Variants in UGT2B15 observed in about 807,000 individuals in gnomAD.
UGT2B15 encodes the protein UDP-glucuronosyltransferase 2B15.
In UGT2B15, 36 loss-of-function variants were observed where a neutral mutation model predicts 45.9. That is an observed-to-expected ratio of 0.78 (90% CI 0.60 to 1.04). UGT2B15 has a LOEUF of 1.04. Ranked by LOEUF, UGT2B15 falls within the 50% of genes least tolerant of loss-of-function variation. UGT2B15 has a pLI of 0.00. For synonymous variants in UGT2B15, 219 were observed against 216.4 expected (o/e 1.01, Z -0.11); for missense variants, 617 against 622.4 (o/e 0.99, Z 0.09).
chr4:68,667,503 A>T (rs989075), intron 2 of UGT2B15, among the ~76,000 whole-genome samples: 78,797 of 151,116 alleles, frequency 0.52, 20,843 homozygotes, highest in Admixed American at 0.58. Flanking sequence ...GTGTTTATCA[A>T]CCCCTCATCG....
At position 68,670,139 on chromosome 4, in the gene UGT2B15, T is replaced by C. The variant is rs1395707077; in HGVS notation, c.480A>G (p.Leu160=). The change falls in exon 1 of 6, where the codon CTA becomes CTG. Residue 160 remains leucine (L), a synonymous_variant. Coordinates refer to ENST00000338206, the MANE Select transcript of UGT2B15 (RefSeq NM_001076.4). ...AGGGTATGTTAAATAGTTCAGCCAGTAGCTCACCACAGGGATTAAGGGCAT... is the reference window on the plus strand; with the variant it reads ...AGGGTATGTTAAATAGTTCAGCCAGCAGCTCACCACAGGGATTAAGGGCAT... The part of the protein sequence containing the change: ...LADALNPCGE[L]LAELFNIPFL... 6.2e-7 allele frequency: 1 copy of C among 1,613,972 alleles called. No homozygotes were observed. The highest frequency in any genetic ancestry group is 1.3e-5 in the African/African-American group (1 of 74,918).
At chr4:68,652,922 A>T (rs1223973508) in intron 5 of UGT2B15, among the ~76,000 whole-genome samples, 3 of 152,164 alleles carry the variant, frequency 2.0e-5, no homozygotes, top group Non-Finnish European at 4.4e-5. Flanking sequence ...GAGGGTTAAC[A>T]TCTTCAGCCA....
At chr4:68,651,211 C>T (rs1732645267) in intron 5 of UGT2B15, among the ~76,000 whole-genome samples, 1 of 151,978 alleles carries the variant, frequency 6.6e-6, no homozygotes, top group African/African-American at 2.4e-5. Flanking sequence ...GTGTTTGTGT[C>T]ATGAAATTTT....
At chr4:68,669,191 T>G (rs1211553898) in intron 1 of UGT2B15, among the ~76,000 whole-genome samples, 1 of 152,130 alleles carries the variant, frequency 6.6e-6, no homozygotes, top group African/African-American at 2.4e-5. Flanking sequence ...TTTTCAGAAT[T>G]TATTGACATA....
At chr4:68,658,732 C>A (rs1314592738) in intron 3 of UGT2B15, among the ~76,000 whole-genome samples, 1 of 151,982 alleles carries the variant, frequency 6.6e-6, no homozygotes, top group East Asian at 1.9e-4. Flanking sequence ...TATTTCAAAG[C>A]TAAACCATAA....
At position 68,668,190 on chromosome 4, in the gene UGT2B15, T is replaced by A. The variant is rs775884210; in HGVS notation, c.725-2A>T. ...TCTCAAATAATGTAGTGGGTCTTCC[T>A]GATGGAAAAAAACAAAACAAAACAA... On this transcript the variant is annotated splice_acceptor_variant, in intron 1 of 5. Transcript: ENST00000338206. LOFTEE classifies it high-confidence loss of function. 9 of 1,605,456 alleles carry A rather than the reference T, an allele frequency of 5.6e-6. No homozygotes were observed. The highest frequency in any genetic ancestry group is 7.6e-6 in the Non-Finnish European group (9 of 1,176,548).
Position 68,670,355 on chromosome 4 carries a change from A to G in UGT2B15, c.264T>C (p.Asp88=). The change falls in exon 1 of 6, where the codon GAT becomes GAC. Residue 88 remains aspartate, a synonymous_variant. Coordinates refer to ENST00000338206, the MANE Select transcript of UGT2B15 (RefSeq NM_001076.4). ...PTSLTKNYLE[D]SLLKILDRWI... ...ATCTATCGAGAATTTTCAGAAGAGA[A>G]TCTTCCAAATAATTTTTAGTTAAAG... 1 of 1,613,320 alleles carries G rather than the reference A, an allele frequency of 6.2e-7. No homozygotes were observed. The highest frequency in any genetic ancestry group is 8.5e-7 in the Non-Finnish European group (1 of 1,179,830).
chr4:68,667,579 G>T lies in UGT2B15; in HGVS notation c.873+461C>A, dbSNP rs1733177990. Among the ~76,000 whole-genome samples the T allele has an allele frequency of 2.0e-5, 3 of 151,944 alleles. No individual in the cohort carries two copies. The South Asian group carries it at 6.2e-4, about 32-fold the overall frequency. ...TGTCAATGAGTTTGGGATCTCTTCT[G>T]CATATTTCTTTATCATTGTGGTCTT... is the stretch of plus-strand genomic sequence containing the variant. On this transcript the variant is annotated intron_variant, in intron 2 of 5. Transcript: ENST00000338206.
intron 3 of UGT2B15, among the ~76,000 whole-genome samples, chr4:68,658,568 G>C (rs937225297): frequency 1.1e-4 from 17 of 152,008 alleles, no homozygotes; most frequent in African/African-American, 4.1e-4. Context: ...CTTTGCTTGT[G>C]TAATTTTTTA....
chr4:68,666,368 C>G (rs1733118814), intron 2 of UGT2B15, among the ~76,000 whole-genome samples: 3 of 152,208 alleles, frequency 2.0e-5, no homozygotes, highest in East Asian at 1.9e-4. Context: ...TCTTAAATGG[C>G]TGGCACATGT....
At chr4:68,665,478 T>A (rs1733092029) in intron 2 of UGT2B15, among the ~76,000 whole-genome samples, 1 of 151,082 alleles carries the variant, frequency 6.6e-6, no homozygotes, top group Non-Finnish European at 1.5e-5. Context: ...ATTTCCAGAG[T>A]TTTTTTAATG....
chr4:68,650,970 C>A (rs1333560706), intron 5 of UGT2B15, among the ~76,000 whole-genome samples: 2 of 134,244 alleles, frequency 1.5e-5, no homozygotes, highest in Non-Finnish European at 3.3e-5. Context: ...CTGTTTATAT[C>A]TTTTGCCCAC....
chr4:68,668,305 CT>C (rs1733202773), intron 1 of UGT2B15, 117 bp from the exon 2 acceptor site: 2 of 1,434,444 alleles, frequency 1.4e-6, no homozygotes, highest in South Asian at 2.9e-5. Flanking sequence ...TATAAAATGT[CT>C]GTGCATTGAT....
chr4:68,649,092 TA>T (rs1165816131), intron 5 of UGT2B15, among the ~76,000 whole-genome samples: 1 of 151,920 alleles, frequency 6.6e-6, no homozygotes, highest in East Asian at 1.9e-4. Flanking sequence ...CTGAATTTTT[TA>T]AAAAATATTT....
chr4:68,652,473 AAGTATCT>A (rs1732685450), intron 5 of UGT2B15, among the ~76,000 whole-genome samples: 1 of 150,098 alleles, frequency 6.7e-6, no homozygotes, highest in Admixed American at 6.6e-5. Flanking sequence ...ACTTTTTTTG[AAGTATCT>A]TAAATCATTT....
At chr4:68,653,965 G>T in intron 5 of UGT2B15, 72 bp downstream of exon 5, 1 of 1,574,552 alleles carries the variant, frequency 6.4e-7, no homozygotes, top group African/African-American at 1.4e-5. Context: ...CTTAAAAACG[G>T]GTTAAAATTC....
chr4:68,663,264 CTAATCATTCAG>C (rs1733018591), intron 2 of UGT2B15, 125 bp from the exon 3 acceptor site: 1 of 938,654 alleles, frequency 1.1e-6, no homozygotes, highest in African/African-American at 1.7e-5. Context: ...TTAAACTGAC[CTAATCATTCAG>C]TTTCTTTGAA....
chr4:68,658,568 G>GT (rs1560607248), intron 3 of UGT2B15, among the ~76,000 whole-genome samples: 1 of 152,008 alleles, frequency 6.6e-6, no homozygotes, highest in African/African-American at 2.4e-5. Context: ...CTTTGCTTGT[G>GT]TAATTTTTTA....
chr4:68,657,588 A>T (rs1272887553), intron 3 of UGT2B15, among the ~76,000 whole-genome samples: 1 of 152,148 alleles, frequency 6.6e-6, no homozygotes, highest in Non-Finnish European at 1.5e-5. Context: ...ATCACTTGGT[A>T]GGTTTTATGA....
Sources: gnomAD v4.1 joint callset for allele counts (sites outside exome capture counted in the v4.1 genomes callset) on GRCh38, gnomAD v4.1.1 for gene constraint, MANE v1.5 for transcripts, NCBI Gene and HGNC (gene_info 2026-07-23, HGNC 2026-07-21) for gene names.